The following EIPR1 variants were observed in gnomAD, a reference collection of about 807,000 sequenced individuals.
EIPR1 encodes EARP and GARP complex-interacting protein 1.
A neutral mutation model predicts 48.1 loss-of-function variants in EIPR1; 25 were observed. The observed-to-expected ratio is 0.52, with a 90% confidence interval of 0.38 to 0.73. EIPR1 has a LOEUF of 0.73. Ranked by LOEUF, EIPR1 falls within the 30% of genes least tolerant of loss-of-function variation. The probability of loss-of-function intolerance (pLI) is 0.00; values close to 1 mark genes in which losing one functional copy is unlikely to be tolerated. For missense variants in EIPR1, 415 were observed against 506.2 expected, an observed-to-expected ratio of 0.82 and a Z score of 1.73; for synonymous variants, 204 against 201.9, an observed-to-expected ratio of 1.01 and a Z score of -0.09.
chr2:3,351,896 C>T (rs924593325), intron 2 of EIPR1, among the ~76,000 whole-genome samples: 1 of 152,230 alleles, frequency 6.6e-6, no homozygotes, highest in Non-Finnish European at 1.5e-5. Flanking sequence ...AAGTCTAAAT[C>T]ACATACCATT....
chr2:3,318,183 A>G (rs1240150383), intron 3 of EIPR1, among the ~76,000 whole-genome samples: 1 of 152,228 alleles, frequency 6.6e-6, no homozygotes, highest in East Asian at 1.9e-4. Context: ...GCCGCAGAAG[A>G]GCGCAGCACA....
At chr2:3,242,940 C>A (rs991333505) in intron 4 of EIPR1, among the ~76,000 whole-genome samples, 2 of 152,154 alleles carry the variant, frequency 1.3e-5, no homozygotes, top group South Asian at 2.1e-4. Context: ...ACCGTTCAGT[C>A]CCCAGGCTCC....
chr2:3,296,006 C>CCACA (rs1668570768), intron 3 of EIPR1, among the ~76,000 whole-genome samples: 1 of 109,928 alleles, frequency 9.1e-6, no homozygotes, highest in Non-Finnish European at 1.9e-5. Context: ...CATCCTCTCT[C>CCACA]TACACACCCT....
At chr2:3,279,008 T>G (rs1667941948) in intron 3 of EIPR1, among the ~76,000 whole-genome samples, 1 of 152,174 alleles carries the variant, frequency 6.6e-6, no homozygotes, top group African/African-American at 2.4e-5. Flanking sequence ...AAGGAAACAG[T>G]GACATCTGCT....
chr2:3,251,656 G>C (rs1000043431), intron 4 of EIPR1, among the ~76,000 whole-genome samples: 3 of 152,232 alleles, frequency 2.0e-5, no homozygotes, highest in Admixed American at 6.5e-5. Context: ...CAGAGGTAGA[G>C]AGGGGAAAGC....
At chr2:3,191,233 C>CAGAT (rs1231884228) in intron 8 of EIPR1, among the ~76,000 whole-genome samples, 4 of 131,952 alleles carry the variant, frequency 3.0e-5, no homozygotes, top group African/African-American at 1.2e-4. Flanking sequence ...CAGAGACAAT[C>CAGAT]AGATGGGCCC....
At position 3,210,745 on chromosome 2, in the gene EIPR1, C is replaced by T. The variant is rs145167172; in HGVS notation, c.516+3404G>A. ...CCCAGGTTCAAGCAAGTCTCCCTGC[C>T]CTAGCCTCCTGAGTAGCTGAGATTA... On this transcript the variant is annotated intron_variant, in intron 5 of 8. Transcript: ENST00000382125. 4.8e-3 allele frequency among the ~76,000 whole-genome samples: 725 copies of T among 152,024 alleles called. 8 individuals are homozygous for T. Among genetic ancestry groups the T allele is most frequent in the African/African-American group, 0.017 (697 of 41,432 alleles).
At chr2:3,224,375 T>C (rs1665992189) in intron 4 of EIPR1, among the ~76,000 whole-genome samples, 1 of 152,150 alleles carries the variant, frequency 6.6e-6, no homozygotes, top group Admixed American at 6.5e-5. Flanking sequence ...CCTCTAATAG[T>C]CACATCCGCC....
intron 3 of EIPR1, among the ~76,000 whole-genome samples, chr2:3,322,772 C>G (rs1669574293): frequency 6.6e-6 from 1 of 152,208 alleles, no homozygotes; most frequent in Admixed American, 6.5e-5. Context: ...TTGCACTGCG[C>G]AGGTGGCCTT....
chr2:3,261,554 G>A (rs1369642559), intron 3 of EIPR1, among the ~76,000 whole-genome samples: 1 of 152,212 alleles, frequency 6.6e-6, no homozygotes, highest in Non-Finnish European at 1.5e-5. Context: ...TTTCCTGAAT[G>A]CCATTCCCTG....
intron 5 of EIPR1, among the ~76,000 whole-genome samples, chr2:3,200,619 G>C (rs1252509438): frequency 6.6e-6 from 1 of 151,070 alleles, no homozygotes; most frequent in African/African-American, 2.4e-5. Context: ...GGGGCCTCGG[G>C]AAGCCTGTCC....
intron 3 of EIPR1, among the ~76,000 whole-genome samples, chr2:3,298,052 G>A (rs114648174): frequency 1.3e-5 from 2 of 152,192 alleles, no homozygotes; most frequent in African/African-American, 4.8e-5. Context: ...CAGAGAGGGG[G>A]TCATCACCAA....
chr2:3,199,619 C>T (rs760149125), intron 5 of EIPR1, among the ~76,000 whole-genome samples: 47 of 152,016 alleles, frequency 3.1e-4, no homozygotes, highest in Non-Finnish European at 4.6e-4. Flanking sequence ...TGGGCAGAAG[C>T]GAGGAGGTTG....
chr2:3,336,882 GAA>G (rs1670066758), intron 3 of EIPR1, among the ~76,000 whole-genome samples: 1 of 108,188 alleles, frequency 9.2e-6, no homozygotes, highest in Non-Finnish European at 1.8e-5. Context: ...GAAGGGAAGG[GAA>G]AAGGGAAGGG....
intron 4 of EIPR1, among the ~76,000 whole-genome samples, chr2:3,234,624 T>C (rs997887768): frequency 6.6e-6 from 1 of 152,248 alleles, no homozygotes; most frequent in Non-Finnish European, 1.5e-5. Context: ...CCCTCACTCC[T>C]GTTGGGGTCC....
rs1204819368 is a variant in EIPR1 at position 3,287,820 on chromosome 2, C to CCATGCTCCAGAAAGCTCATTCAG, written c.260-30366_260-30365insCTGAATGAGCTTTCTGGAGCATG. Among the ~76,000 whole-genome samples, 9 of 122,402 alleles carry CCATGCTCCAGAAAGCTCATTCAG rather than the reference C, an allele frequency of 7.4e-5. No homozygotes were observed. In the East Asian group the frequency reaches 1.5e-3, roughly 20 times the overall value. 80.3% of individuals were successfully genotyped at this position (122,402 alleles called of 152,430 possible). Reference sequence around the variant, plus strand: ...CACCATGCTCTAGAAAGCTCATTCACCATGCTCCAGAAAGCTCATTCACCA... The same window carrying CCATGCTCCAGAAAGCTCATTCAG: ...CACCATGCTCTAGAAAGCTCATTCACCATGCTCCAGAAAGCTCATTCAGCATGCTCCAGAAAGCTCATTCACCA... On this transcript the variant is annotated intron_variant, in intron 3 of 8. Transcript: ENST00000382125.
chr2:3,316,355 G>A (rs1036748354), intron 3 of EIPR1, among the ~76,000 whole-genome samples: 1 of 151,670 alleles, frequency 6.6e-6, no homozygotes, highest in Non-Finnish European at 1.5e-5. Flanking sequence ...CTCACCATCT[G>A]TTTACCATGT....
chr2:3,274,381 G>A (rs1325872857), intron 3 of EIPR1: 1 of 1,550,452 alleles, frequency 6.4e-7, no homozygotes, highest in South Asian at 1.2e-5. Context: ...GACTTCCCAA[G>A]AGCACCAAAG....
chr2:3,211,656 A>G (rs997968705), intron 5 of EIPR1, among the ~76,000 whole-genome samples: 2 of 152,206 alleles, frequency 1.3e-5, no homozygotes, highest in African/African-American at 4.8e-5. Context: ...CCTTCCTTCA[A>G]AGAGGTACTG....
Sources: gnomAD v4.1 joint callset for allele counts (sites outside exome capture counted in the v4.1 genomes callset) on GRCh38, gnomAD v4.1.1 for gene constraint, MANE v1.5 for transcripts, NCBI Gene and HGNC (gene_info 2026-07-23, HGNC 2026-07-21) for gene names.